PLBD1: variants seen among roughly 807,000 people sequenced by gnomAD.
PLBD1 encodes the protein phospholipase B domain containing 1, also known as lysosomal leucine aminopeptidase.
Under a neutral mutation model 63.0 loss-of-function variants are expected in PLBD1, and 60 were observed. The observed-to-expected ratio is 0.95, with a 90% CI of 0.77 to 1.18. The LOEUF is 1.18. Among genes scored for constraint, PLBD1 ranks in the 50% most tolerant of loss-of-function variants. The pLI is 0.00. For missense variants in PLBD1, 598 were observed against 677.9 expected, an observed-to-expected ratio of 0.88 and a Z score of 1.31; for synonymous variants, 262 against 248.0, an observed-to-expected ratio of 1.06 and a Z score of -0.53.
intron 2 of PLBD1, among the ~76,000 whole-genome samples, chr12:14,544,205 G>T (rs1401292561): frequency 6.6e-6 from 1 of 152,146 alleles, no homozygotes; most frequent in African/African-American, 2.4e-5. Context: ...ACGGAGTCTT[G>T]CTCTGTCACC....
At chr12:14,534,096 T>C (rs1157777419) in intron 6 of PLBD1, among the ~76,000 whole-genome samples, 1 of 152,180 alleles carries the variant, frequency 6.6e-6, no homozygotes, top group Non-Finnish European at 1.5e-5. Context: ...TGCAGTGGGC[T>C]AACATTGTAC....
intron 1 of PLBD1, among the ~76,000 whole-genome samples, chr12:14,559,034 T>C (rs535541130): frequency 8.9e-4 from 135 of 152,348 alleles, no homozygotes; most frequent in African/African-American, 2.0e-3. Context: ...TCTTCCTGGT[T>C]TTCCCAGTAT....
intron 1 of PLBD1, among the ~76,000 whole-genome samples, chr12:14,561,035 G>A (rs749381915): frequency 9.2e-5 from 14 of 151,746 alleles, no homozygotes; most frequent in Non-Finnish European, 1.5e-4. Flanking sequence ...TTTCAGAGAC[G>A]CCCTGAGGTG....
intron 9 of PLBD1, 143 bp from the exon 10 acceptor site, chr12:14,506,411 T>C (rs2136902501): frequency 3.3e-6 from 2 of 612,068 alleles, no homozygotes; most frequent in Middle Eastern, 4.0e-4. Flanking sequence ...TGCTTCCAGA[T>C]AGAGACATCT....
At chr12:14,551,890 A>G (rs552168901) in intron 2 of PLBD1, among the ~76,000 whole-genome samples, 5 of 152,348 alleles carry the variant, frequency 3.3e-5, no homozygotes, top group African/African-American at 1.2e-4. Context: ...CCTGTATAAT[A>G]TGGTTTTAAA....
chr12:14,514,582 A>G (rs1400961047), intron 6 of PLBD1, among the ~76,000 whole-genome samples: 2 of 152,224 alleles, frequency 1.3e-5, no homozygotes, highest in Non-Finnish European at 2.9e-5. Flanking sequence ...TAGAGCAAGG[A>G]GAGTGAACTG....
chr12:14,505,256 C>T (rs10734878), intron 10 of PLBD1, among the ~76,000 whole-genome samples: 152,033 of 152,222 alleles, frequency 1, 75,923 homozygotes, highest in Non-Finnish European at 1. Flanking sequence ...GAATCATGTG[C>T]AACTGGGGTC....
At chr12:14,513,780 G>GTT (rs1237327068) in intron 6 of PLBD1, among the ~76,000 whole-genome samples, 52 of 140,394 alleles carry the variant, frequency 3.7e-4, no homozygotes, top group African/African-American at 3.4e-4. Flanking sequence ...CTAACTCTTA[G>GTT]TTTTTTTTTT....
intron 1 of PLBD1, among the ~76,000 whole-genome samples, chr12:14,557,323 G>A (rs1349171788): frequency 1.3e-5 from 2 of 151,988 alleles, no homozygotes; most frequent in African/African-American, 4.8e-5. Flanking sequence ...TATACTCAAA[G>A]GAATATAAAT....
chr12:14,527,931 T>C (rs992620599), intron 6 of PLBD1, among the ~76,000 whole-genome samples: 1 of 151,610 alleles, frequency 6.6e-6, no homozygotes, highest in Admixed American at 6.6e-5. Flanking sequence ...CAAGGAGTTG[T>C]ACTAGAGACA....
Position 14,511,652 on chromosome 12 carries a change from T to C in PLBD1, c.904A>G (p.Thr302Ala), listed in dbSNP as rs745851651. The change falls in exon 7 of 11, where the codon ACC becomes GCC. Residue 302 changes from threonine (T) to alanine (A), a missense_variant. Physicochemically the swap from Thr to Ala is moderately conservative, Grantham distance 58. Transcript: ENST00000240617. ...GTTTTATTAAACACACTGTTTGTGG[T>C]CTGCAGCAATATCAATCCACTGCTA... is the stretch of plus-strand genomic sequence containing the variant. ...ILSSGLILLQ[T>A]TNSVFNKTLL... is the part of the protein sequence containing the mutation. 1 of 1,614,100 alleles carries C rather than the reference T, an allele frequency of 6.2e-7. No homozygotes were observed. The highest frequency in any genetic ancestry group is 1.3e-5 in the African/African-American group (1 of 74,932).
chr12:14,531,924 C>G (rs1945466853), intron 6 of PLBD1, among the ~76,000 whole-genome samples: 2 of 152,134 alleles, frequency 1.3e-5, no homozygotes, highest in Non-Finnish European at 1.5e-5. Flanking sequence ...GCCTGCTTAG[C>G]CTGTTTAAAT....
chr12:14,553,450 A>C (rs1945676619), intron 1 of PLBD1, 38 bp from the exon 2 acceptor site: 1 of 1,524,026 alleles, frequency 6.6e-7, no homozygotes, highest in Non-Finnish European at 9.1e-7. Context: ...ACGCCATTCA[A>C]ATGAGTTGTG....
chr12:14,527,367 C>T (rs1273638033), intron 6 of PLBD1, among the ~76,000 whole-genome samples: 2 of 152,146 alleles, frequency 1.3e-5, no homozygotes, highest in Non-Finnish European at 2.9e-5. Flanking sequence ...TGATATTGTG[C>T]TACTTTGAAT....
intron 4 of PLBD1, among the ~76,000 whole-genome samples, chr12:14,540,316 C>T (rs1295502268): frequency 6.6e-6 from 1 of 150,944 alleles, no homozygotes; most frequent in Non-Finnish European, 1.5e-5. Flanking sequence ...ACATTGGAAG[C>T]CTTAGTGATT....
At chr12:14,541,667 G>A (rs1945572469) in intron 3 of PLBD1, among the ~76,000 whole-genome samples, 1 of 152,084 alleles carries the variant, frequency 6.6e-6, no homozygotes, top group Admixed American at 6.6e-5. Flanking sequence ...CAGTTTGGAG[G>A]GCCAACCCAA....
intron 6 of PLBD1, 69 bp downstream of exon 6, chr12:14,535,590 A>G: frequency 2.6e-6 from 4 of 1,529,802 alleles, no homozygotes; most frequent in Non-Finnish European, 3.6e-6. Flanking sequence ...TGCAGTTAAC[A>G]CTGAATCACT....
intron 2 of PLBD1, among the ~76,000 whole-genome samples, chr12:14,550,458 T>C (rs1300568439): frequency 6.6e-6 from 1 of 152,246 alleles, no homozygotes; most frequent in Non-Finnish European, 1.5e-5. Context: ...GTCAACTTTT[T>C]TTTGAAAGGA....
At chr12:14,546,844 C>A (rs1377048802) in intron 2 of PLBD1, among the ~76,000 whole-genome samples, 2 of 151,986 alleles carry the variant, frequency 1.3e-5, no homozygotes, top group East Asian at 3.8e-4. Flanking sequence ...GGTAACTGGG[C>A]CAGAATTATT....
Sources: gnomAD v4.1 joint callset for allele counts (sites outside exome capture counted in the v4.1 genomes callset) on GRCh38, gnomAD v4.1.1 for gene constraint, MANE v1.5 for transcripts, NCBI Gene and HGNC (gene_info 2026-07-23, HGNC 2026-07-21) for gene names.